The following RUNX2 variants were observed in gnomAD, a reference collection of about 807,000 sequenced individuals.
The protein encoded by RUNX2 is runt-related transcription factor 2.
RUNX2 carries 10 observed loss-of-function variants against 51.7 expected under a neutral mutation model. The ratio of observed to expected loss-of-function variants is 0.19; its 90% CI spans 0.12 to 0.33. RUNX2 has a LOEUF of 0.33. Ranked by LOEUF, RUNX2 falls within the 10% of genes least tolerant of loss-of-function variation. The pLI, the probability that RUNX2 is intolerant of heterozygous loss-of-function variation, is 1.00. For missense variants in RUNX2, 562 were observed against 691.3 expected (o/e 0.81, Z 2.10); for synonymous variants, 276 against 273.6 (o/e 1.01, Z -0.09).
intron 5 of RUNX2, among the ~76,000 whole-genome samples, chr6:45,453,453 G>A (rs1002741503): frequency 1.3e-5 from 2 of 152,178 alleles, no homozygotes; most frequent in Non-Finnish European, 2.9e-5. Flanking sequence ...GGATATACTA[G>A]GTTATCTGAA....
chr6:45,528,152 C>T lies in RUNX2; in HGVS notation c.1021+15745C>T, dbSNP rs555966245. 3.9e-5 allele frequency among the ~76,000 whole-genome samples: 6 copies of T among 152,196 alleles called. 1 individual carries two copies. In the South Asian group the frequency reaches 1.2e-3, roughly 32 times the overall value. On this transcript the variant is annotated intron_variant, in intron 7 of 8. Coordinates refer to ENST00000647337, the MANE Select transcript of RUNX2 (RefSeq NM_001024630.4). ...GAGAACAGTATGGAAGAGACCCACC[C>T]CCATGATTCAGTTACCTCCCACCAG...
At chr6:45,474,145 G>A (rs1156529483) in intron 5 of RUNX2, among the ~76,000 whole-genome samples, 1 of 151,614 alleles carries the variant, frequency 6.6e-6, no homozygotes, top group Non-Finnish European at 1.5e-5. Context: ...GATTTAGTTG[G>A]CTTTTCTGTT....
chr6:45,475,808 A>G (rs1799939707), intron 5 of RUNX2, among the ~76,000 whole-genome samples: 2 of 152,256 alleles, frequency 1.3e-5, no homozygotes, highest in Non-Finnish European at 2.9e-5. Context: ...TTAAGGAATA[A>G]CAATTTATAC....
chr6:45,454,596 G>C (rs889386836), intron 5 of RUNX2, among the ~76,000 whole-genome samples: 1 of 152,188 alleles, frequency 6.6e-6, no homozygotes, highest in Non-Finnish European at 1.5e-5. Context: ...ATTTATAAAT[G>C]TCTCCTTTCA....
At chr6:45,540,654 C>T (rs1022886037) in intron 7 of RUNX2, among the ~76,000 whole-genome samples, 9 of 152,180 alleles carry the variant, frequency 5.9e-5, no homozygotes, top group African/African-American at 2.2e-4. Context: ...AAACTATTCA[C>T]TCCAAATAAA....
intron 2 of RUNX2, chr6:45,378,047 C>G (rs1384687258): frequency 2.0e-5 from 3 of 152,086 alleles, no homozygotes; most frequent in African/African-American, 7.2e-5. Context: ...GCAGTGCGGG[C>G]GCATGCGCGC....
chr6:45,519,664 A>G (rs1363243009), intron 7 of RUNX2, among the ~76,000 whole-genome samples: 1 of 151,942 alleles, frequency 6.6e-6, no homozygotes, highest in East Asian at 1.9e-4. Context: ...TAGCTTTTGC[A>G]GACTGGCTTC....
intron 2 of RUNX2, among the ~76,000 whole-genome samples, chr6:45,341,936 C>G (rs990279593): frequency 3.3e-5 from 5 of 151,864 alleles, no homozygotes; most frequent in African/African-American, 9.7e-5. Context: ...CCAGAACAGT[C>G]AACCAAAACA....
chr6:45,456,376 G>A (rs558193803), intron 5 of RUNX2, among the ~76,000 whole-genome samples: 100 of 152,180 alleles, frequency 6.6e-4, no homozygotes, highest in African/African-American at 2.2e-3. Flanking sequence ...TGAACATTTT[G>A]AAAATTGATT....
chr6:45,366,084 A>G (rs943447378), intron 2 of RUNX2, among the ~76,000 whole-genome samples: 1 of 152,200 alleles, frequency 6.6e-6, no homozygotes, highest in Non-Finnish European at 1.5e-5. Context: ...ACCCTCATCT[A>G]TTACACTATT....
intron 2 of RUNX2, among the ~76,000 whole-genome samples, chr6:45,369,786 A>G (rs886532177): frequency 6.6e-6 from 1 of 152,200 alleles, no homozygotes; most frequent in East Asian, 1.9e-4. Context: ...ACAAGCACAT[A>G]AACAAATATA....
chr6:45,434,648 CT>C (rs1168502910), intron 4 of RUNX2, among the ~76,000 whole-genome samples: 4 of 151,764 alleles, frequency 2.6e-5, no homozygotes, highest in South Asian at 2.1e-4. Context: ...ATGGTTTTTC[CT>C]TTTTTTTATC....
chr6:45,484,684 C>T (rs1800215425), intron 5 of RUNX2, among the ~76,000 whole-genome samples: 1 of 152,136 alleles, frequency 6.6e-6, no homozygotes, highest in South Asian at 2.1e-4. Context: ...ATCGACTGAA[C>T]TCCCTAAGAT....
At chr6:45,387,256 C>G (rs1797370069) in intron 2 of RUNX2, among the ~76,000 whole-genome samples, 1 of 152,134 alleles carries the variant, frequency 6.6e-6, no homozygotes, top group Non-Finnish European at 1.5e-5. Flanking sequence ...GGTGACTGTA[C>G]AAAATCTCAG....
rs577708400 is a variant in RUNX2 at position 45,516,035 on chromosome 6, A to G, written c.1021+3628A>G. On this transcript the variant is annotated intron_variant, in intron 7 of 8. Coordinates refer to ENST00000647337, the MANE Select transcript of RUNX2 (RefSeq NM_001024630.4). Reference sequence around the variant, plus strand: ...CAATATTTCACCTTTCTTTATTAGTATCCTTTCTTCTGAGTAATTTTCAAG... The same window carrying G: ...CAATATTTCACCTTTCTTTATTAGTGTCCTTTCTTCTGAGTAATTTTCAAG... Among the ~76,000 whole-genome samples the G allele has an allele frequency of 4.6e-5, 7 of 152,322 alleles. No individual in the cohort carries two copies. The East Asian group carries it at 9.7e-4, about 21-fold the overall frequency.
chr6:45,546,125 A>G (rs1582231355), intron 8 of RUNX2, among the ~76,000 whole-genome samples: 1 of 151,974 alleles, frequency 6.6e-6, no homozygotes, highest in Non-Finnish European at 1.5e-5. Context: ...CTTGAAATCA[A>G]TGATTCCTAA....
intron 2 of RUNX2, among the ~76,000 whole-genome samples, chr6:45,396,108 T>TA (rs1238403224): frequency 2.6e-5 from 4 of 152,170 alleles, no homozygotes; most frequent in Non-Finnish European, 4.4e-5. Flanking sequence ...AGCTTTAGTA[T>TA]AAAAAACTCT....
chr6:45,475,051 G>T (rs926923391), intron 5 of RUNX2, among the ~76,000 whole-genome samples: 9 of 151,578 alleles, frequency 5.9e-5, no homozygotes, highest in African/African-American at 2.2e-4. Context: ...TTGAACCTGG[G>T]AGGTGGAGGC....
chr6:45,535,654 C>G lies in RUNX2; in HGVS notation c.1022-9563C>G, dbSNP rs1802008812. The stretch of plus-strand genomic sequence containing the variant: ...AAGATACAAATGAAGAACTAATTGC[C>G]TGCAGAGAGGAAGGGGAGGTTACTG... On this transcript the variant is annotated intron_variant, in intron 7 of 8. Transcript: ENST00000647337. Among the ~76,000 whole-genome samples the G allele has an allele frequency of 1.3e-5, 2 of 151,820 alleles. 1 individual carries two copies. The highest frequency in any genetic ancestry group is 4.2e-4 in the South Asian group (2 of 4,808).
Sources: allele counts gnomAD v4.1 joint callset (sites outside exome capture counted in the v4.1 genomes callset), GRCh38; gene constraint gnomAD v4.1.1; transcripts MANE v1.5; gene names NCBI Gene and HGNC (gene_info 2026-07-23, HGNC 2026-07-21).